ANP32A: variants seen among roughly 807,000 people sequenced by gnomAD.
ANP32A encodes the protein acidic leucine-rich nuclear phosphoprotein 32 family member A.
In ANP32A, 1 loss-of-function variant was observed where a neutral mutation model predicts 33.9. The observed-to-expected ratio is 0.03, with a 90% CI of 0.01 to 0.14. The LOEUF is 0.14. Ranked by LOEUF, ANP32A falls within the 10% of genes least tolerant of loss-of-function variation. The pLI, the probability that ANP32A is intolerant of heterozygous loss-of-function variation, is 1.00. For missense variants in ANP32A, 155 were observed against 306.0 expected (o/e 0.51, Z 3.68); for synonymous variants, 115 against 120.5 (o/e 0.95, Z 0.30).
At chr15:68,788,657 G>C (rs535199614) in intron 1 of ANP32A, among the ~76,000 whole-genome samples, 3 of 152,338 alleles carry the variant, frequency 2.0e-5, no homozygotes, top group African/African-American at 7.2e-5. Flanking sequence ...AGTGTAAACA[G>C]ACACAGGTAA....
chr15:68,815,411 T>A (rs1261756494), intron 1 of ANP32A, among the ~76,000 whole-genome samples: 1 of 152,216 alleles, frequency 6.6e-6, no homozygotes, highest in Non-Finnish European at 1.5e-5. Flanking sequence ...GAGTACAATT[T>A]TTTTTTTGTA....
In ANP32A at chr15:68,780,222, G is replaced by A. The variant is rs1290755439; in HGVS notation, c.689-80C>T. On this transcript the variant is annotated intron_variant, in intron 6 of 6. Transcript: ENST00000465139. The surrounding 1 kb of genome is among the most constrained non-coding windows in gnomAD (Gnocchi z 4.3). Reference sequence around the variant, plus strand: ...TCAACCCACCCAGTGAGAAGTCAGGGGACCCATGACTAGCAAGCTGTGCCA... The same window carrying A: ...TCAACCCACCCAGTGAGAAGTCAGGAGACCCATGACTAGCAAGCTGTGCCA... The A allele has an allele frequency of 3.8e-6, 6 of 1,589,430 alleles. No individual in the cohort carries two copies. The Middle Eastern group carries it at 5.0e-4, about 133-fold the overall frequency.
intron 1 of ANP32A, among the ~76,000 whole-genome samples, chr15:68,799,602 G>A (rs1894104765): frequency 6.6e-6 from 1 of 152,194 alleles, no homozygotes; most frequent in Non-Finnish European, 1.5e-5. Context: ...GCTCATGAAG[G>A]AGGCTTCTAC....
chr15:68,784,281 T>G, intron 4 of ANP32A, 116 bp downstream of exon 4: 1 of 1,203,172 alleles, frequency 8.3e-7, no homozygotes. Context: ...CAGCCAGCCT[T>G]CAGTAGCTGG....
chr15:68,815,969 A>G (rs1017143914), intron 1 of ANP32A, among the ~76,000 whole-genome samples: 15 of 152,190 alleles, frequency 9.9e-5, no homozygotes, highest in Non-Finnish European at 2.2e-4. Context: ...CTGCCTGAGC[A>G]GCTCCTGCTT....
intron 3 of ANP32A, among the ~76,000 whole-genome samples, chr15:68,784,895 G>C (rs1893913593): frequency 6.6e-6 from 1 of 152,190 alleles, no homozygotes; most frequent in South Asian, 2.1e-4. Context: ...AACAGTGATT[G>C]ACTTGAAATT....
intron 3 of ANP32A, 49 bp downstream of exon 3, chr15:68,787,364 T>C (rs762875607): frequency 6.2e-7 from 1 of 1,612,628 alleles, no homozygotes; most frequent in South Asian, 1.1e-5. Flanking sequence ...TGATGCCAAT[T>C]CCTCCCACCT....
chr15:68,787,101 T>C (rs1477457125), intron 3 of ANP32A: 1 of 327,372 alleles, frequency 3.1e-6, no homozygotes, highest in Non-Finnish European at 5.8e-6. Context: ...CTGAAGACAT[T>C]ACAGCTCAGG....
At chr15:68,800,526 TGAG>T (rs940072725) in intron 1 of ANP32A, among the ~76,000 whole-genome samples, 1 of 149,574 alleles carries the variant, frequency 6.7e-6, no homozygotes, top group African/African-American at 2.5e-5. Flanking sequence ...TGGCGGATCA[TGAG>T]GTCAGGAGAT....
Position 68,780,492 on chromosome 15 carries a change from A to G in ANP32A, c.625-19T>C, listed in dbSNP as rs1893853912. 6.2e-7 allele frequency: 1 copy of G among 1,613,764 alleles called. No individual in the cohort carries two copies. The highest frequency in any genetic ancestry group is 1.3e-5 in the African/African-American group (1 of 74,930). Reference sequence around the variant, plus strand: ...CATCCTCCTAGGAGAAAGGACAGACACCAGAACATTAGAAATGCCCTGCCT... The same window carrying G: ...CATCCTCCTAGGAGAAAGGACAGACGCCAGAACATTAGAAATGCCCTGCCT... On this transcript the variant is annotated intron_variant, in intron 5 of 6. Coordinates refer to ENST00000465139, the MANE Select transcript of ANP32A (RefSeq NM_006305.4). The surrounding 1 kb of genome is among the most constrained non-coding windows in gnomAD (Gnocchi z 4.3).
intron 1 of ANP32A, among the ~76,000 whole-genome samples, chr15:68,807,640 CT>C (rs1465863874): frequency 1.3e-5 from 2 of 152,190 alleles, no homozygotes; most frequent in African/African-American, 4.8e-5. Context: ...AGAATCTAAC[CT>C]TCAGGGTCCG....
chr15:68,785,301 G>A (rs748653737), intron 3 of ANP32A, among the ~76,000 whole-genome samples: 16 of 152,270 alleles, frequency 1.1e-4, no homozygotes, highest in Non-Finnish European at 1.9e-4. Context: ...TACACCAGAC[G>A]GGTTCTAGCC....
intron 1 of ANP32A, among the ~76,000 whole-genome samples, chr15:68,811,004 G>A (rs1040606726): frequency 1.4e-5 from 2 of 147,512 alleles, no homozygotes; most frequent in African/African-American, 5.0e-5. Context: ...AGGTTGCAGT[G>A]AGCTGAGATC....
intron 1 of ANP32A, among the ~76,000 whole-genome samples, chr15:68,809,542 A>T (rs564465586): frequency 6.6e-6 from 1 of 152,186 alleles, no homozygotes; most frequent in Non-Finnish European, 1.5e-5. Flanking sequence ...TGAATAATCC[A>T]TAACTGCAAG....
intron 1 of ANP32A, 100 bp downstream of exon 1, chr15:68,820,598 G>A: frequency 2.9e-6 from 1 of 341,708 alleles, no homozygotes; most frequent in South Asian, 5.3e-5. Context: ...CCTCCCGGGC[G>A]CCCCCCCCCA....
At chr15:68,818,794 G>C (rs974222168) in intron 1 of ANP32A, among the ~76,000 whole-genome samples, 2 of 151,514 alleles carry the variant, frequency 1.3e-5, no homozygotes, top group Non-Finnish European at 2.9e-5. Flanking sequence ...GGGGGCTTCC[G>C]GAAAGTACGC....
chr15:68,793,167 C>T (rs917991156), intron 1 of ANP32A, among the ~76,000 whole-genome samples: 2 of 152,212 alleles, frequency 1.3e-5, no homozygotes, highest in African/African-American at 2.4e-5. Flanking sequence ...CGTAATCAGC[C>T]TACCAGGGAG....
chr15:68,807,060 C>T (rs1270265447), intron 1 of ANP32A, among the ~76,000 whole-genome samples: 2 of 152,226 alleles, frequency 1.3e-5, no homozygotes, highest in Admixed American at 1.3e-4. Context: ...CAGATGCACA[C>T]CTAAGTGAGT....
At chr15:68,789,382 G>A (rs1341535830) in intron 1 of ANP32A, 1 of 152,448 alleles carries the variant, frequency 6.6e-6, no homozygotes, top group Non-Finnish European at 1.5e-5. Flanking sequence ...CTGCCCCTCA[G>A]GGCCTTTTCT....
Sources: gnomAD v4.1 joint callset for allele counts (sites outside exome capture counted in the v4.1 genomes callset) on GRCh38, gnomAD v4.1.1 for gene constraint, Gnocchi (gnomAD v3.1) non-coding constraint, MANE v1.5 for transcripts, NCBI Gene and HGNC (gene_info 2026-07-23, HGNC 2026-07-21) for gene names.